Variants in CDK14 observed in about 807,000 individuals in gnomAD.
The protein encoded by CDK14 is cyclin-dependent kinase 14.
In CDK14, 34 loss-of-function variants were observed where a neutral mutation model predicts 60.7. That is an observed-to-expected ratio of 0.56 (90% CI 0.43 to 0.75). The LOEUF is 0.75. CDK14 is among the 30% of genes least tolerant of loss of function. The probability of loss-of-function intolerance (pLI) is 0.00; values close to 1 mark genes in which losing one functional copy is unlikely to be tolerated. For synonymous variants in CDK14, 197 were observed against 203.7 expected, an observed-to-expected ratio of 0.97 and a Z score of 0.28; for missense variants, 482 against 564.1, an observed-to-expected ratio of 0.85 and a Z score of 1.47.
At chr7:90,851,493 A>G (rs1790644298) in intron 5 of CDK14, among the ~76,000 whole-genome samples, 1 of 152,184 alleles carries the variant, frequency 6.6e-6, no homozygotes, top group Admixed American at 6.6e-5. Flanking sequence ...CATAGCTCTC[A>G]GGAGCTGCCT....
At chr7:91,018,587 G>A (rs530383444) in intron 10 of CDK14, among the ~76,000 whole-genome samples, 1 of 152,284 alleles carries the variant, frequency 6.6e-6, no homozygotes, top group African/African-American at 2.4e-5. Flanking sequence ...ATGTCGAATT[G>A]TAATCCCCAG....
intron 5 of CDK14, among the ~76,000 whole-genome samples, chr7:90,807,933 T>A (rs978054282): frequency 1.3e-5 from 2 of 152,020 alleles, no homozygotes; most frequent in African/African-American, 4.8e-5. Context: ...TAAAAAGAAA[T>A]GAACAAAGCC....
intron 4 of CDK14, among the ~76,000 whole-genome samples, chr7:90,770,338 C>G (rs1039893912): frequency 6.6e-6 from 1 of 152,140 alleles, no homozygotes; most frequent in Admixed American, 6.5e-5. Flanking sequence ...TTTTAGTATA[C>G]TTATCTTTTA....
chr7:91,173,439 A>T lies in CDK14; in HGVS notation c.*29-33726A>T, dbSNP rs553333541. Among the ~76,000 whole-genome samples the T allele has an allele frequency of 7.9e-4, 119 of 151,304 alleles. 1 individual carries two copies. Among genetic ancestry groups the T allele is most frequent in the Admixed American group, 5.3e-3 (80 of 15,210 alleles). ...TAAGACTGCATCTCTTAAAAAAAAAAAGGTGGGGAGGAGCCAAGATGGCCG... is the reference window on the plus strand; with the variant it reads ...TAAGACTGCATCTCTTAAAAAAAAATAGGTGGGGAGGAGCCAAGATGGCCG... On this transcript the variant is annotated intron_variant, in intron 14 of 14. Transcript: ENST00000380050.
At chr7:91,137,306 A>G (rs947525256) in intron 14 of CDK14, among the ~76,000 whole-genome samples, 5 of 152,094 alleles carry the variant, frequency 3.3e-5, no homozygotes, top group African/African-American at 1.2e-4. Context: ...TGAGCTTGTC[A>G]AGCACAGTGC....
intron 5 of CDK14, among the ~76,000 whole-genome samples, chr7:90,803,229 A>C (rs115542173): frequency 0.022 from 3,320 of 152,174 alleles, 52 homozygotes; most frequent in African/African-American, 0.03. Context: ...TTTGCTGCCC[A>C]CATTGTGGGG....
intron 2 of CDK14, among the ~76,000 whole-genome samples, chr7:90,659,506 A>G (rs1299164578): frequency 1.3e-5 from 2 of 152,216 alleles, no homozygotes; most frequent in African/African-American, 2.4e-5. Context: ...CTTTTAAAAA[A>G]TATACATAGT....
intron 4 of CDK14, among the ~76,000 whole-genome samples, chr7:90,783,094 A>T (rs1412770704): frequency 6.6e-6 from 1 of 152,096 alleles, no homozygotes; most frequent in Non-Finnish European, 1.5e-5. Flanking sequence ...TTTCCTATGA[A>T]CTTTATATGC....
At chr7:90,988,817 T>C (rs1377287059) in intron 10 of CDK14, among the ~76,000 whole-genome samples, 1 of 152,170 alleles carries the variant, frequency 6.6e-6, no homozygotes, top group Non-Finnish European at 1.5e-5. Context: ...TCTTTTTCTC[T>C]CTGCATTTGA....
At chr7:91,169,940 T>C (rs1425380042) in intron 14 of CDK14, among the ~76,000 whole-genome samples, 1 of 152,236 alleles carries the variant, frequency 6.6e-6, no homozygotes. Flanking sequence ...TGCGTTATCA[T>C]GGCTAATGTT....
intron 2 of CDK14, among the ~76,000 whole-genome samples, chr7:90,695,164 C>T (rs908509002): frequency 6.6e-6 from 1 of 152,160 alleles, no homozygotes; most frequent in African/African-American, 2.4e-5. Context: ...GTGCTCCTTC[C>T]TTGTCCCCCA....
In CDK14 at chr7:91,207,939, C is replaced by T. The variant is rs1277581232; in HGVS notation, c.*803C>T. 6.6e-6 allele frequency: 1 copy of T among 152,614 alleles called. No homozygotes were observed. The highest frequency in any genetic ancestry group is 1.5e-5 in the Non-Finnish European group (1 of 68,044). The allele number at this position is 152,614 out of a possible 1,614,324, so 9.5% of individuals were successfully genotyped here. On this transcript the variant is annotated 3_prime_UTR_variant, in exon 15 of 15. Transcript: ENST00000380050. ...ACTTTTTGTGTCTGGGTCTTGTCAACATCTAATTTTTTTCCATCCATTCTG... is the reference window on the plus strand; with the variant it reads ...ACTTTTTGTGTCTGGGTCTTGTCAATATCTAATTTTTTTCCATCCATTCTG...
rs199847602 is a variant in CDK14 at position 91,148,767 on chromosome 7, A to AT, written c.*28+30568dup. ...GTGGGATGTCTTCCTTTGCAGTATT[A>AT]TTTTTTTTTCATTTCCTTCATATTA... On this transcript the variant is annotated intron_variant, in intron 14 of 14. Transcript: ENST00000380050. Among the ~76,000 whole-genome samples, 50 of 151,202 alleles carry AT rather than the reference A, an allele frequency of 3.3e-4. No homozygotes were observed. The East Asian group carries it at 5.8e-3, about 18-fold the overall frequency.
At chr7:91,175,467 T>G (rs952553346) in intron 14 of CDK14, among the ~76,000 whole-genome samples, 29 of 151,918 alleles carry the variant, frequency 1.9e-4, no homozygotes, top group African/African-American at 6.5e-4. Context: ...AATATTAACT[T>G]TAAATGTAAA....
At position 90,611,996 on chromosome 7, in the gene CDK14, C is replaced by G. The variant is rs143792308; in HGVS notation, c.123+7747C>G. Among the ~76,000 whole-genome samples the G allele has an allele frequency of 8.5e-3, 1,290 of 152,124 alleles. 23 individuals are homozygous for G. The highest frequency in any genetic ancestry group is 0.027 in the African/African-American group (1,128 of 41,500). The stretch of plus-strand genomic sequence containing the variant: ...TACAGACGCCCACCACCACACCCAG[C>G]TAATTTTTGTATTTTTAGTAGAGAC... On this transcript the variant is annotated intron_variant, in intron 2 of 14. Transcript: ENST00000380050.
chr7:90,663,881 A>G (rs575371261), intron 2 of CDK14, among the ~76,000 whole-genome samples: 92 of 152,258 alleles, frequency 6.0e-4, no homozygotes, highest in African/African-American at 1.9e-3. Context: ...CATATTTTAT[A>G]TTTTCCTTAA....
chr7:90,857,900 G>A (rs952057692), intron 5 of CDK14, among the ~76,000 whole-genome samples: 1 of 152,156 alleles, frequency 6.6e-6, no homozygotes, highest in African/African-American at 2.4e-5. Flanking sequence ...GGTACATATC[G>A]TAGGCTGTTT....
intron 14 of CDK14, among the ~76,000 whole-genome samples, chr7:91,176,250 T>G (rs1259262488): frequency 6.6e-6 from 1 of 152,194 alleles, no homozygotes; most frequent in East Asian, 1.9e-4. Context: ...AAAGATGTTC[T>G]TTGAACGCAA....
At chr7:90,919,752 C>T (rs1356585437) in intron 8 of CDK14, among the ~76,000 whole-genome samples, 1 of 152,108 alleles carries the variant, frequency 6.6e-6, no homozygotes, top group Non-Finnish European at 1.5e-5. Context: ...CATTAATGGC[C>T]AAACCTAGTC....
Sources: allele counts gnomAD v4.1 joint callset (sites outside exome capture counted in the v4.1 genomes callset), GRCh38; gene constraint gnomAD v4.1.1; transcripts MANE v1.5; gene names NCBI Gene and HGNC (gene_info 2026-07-23, HGNC 2026-07-21).